PWWP2A: variants seen among roughly 807,000 people sequenced by gnomAD.
The protein encoded by PWWP2A is PWWP domain-containing protein 2A.
In PWWP2A, 18 loss-of-function variants were observed where a neutral mutation model predicts 48.5. That is an observed-to-expected ratio of 0.37 (90% CI 0.26 to 0.55). The LOEUF (loss-of-function observed/expected upper bound fraction) is 0.55, where lower values mean the gene tolerates loss of function less well. Among genes scored for constraint, PWWP2A ranks in the 20% least tolerant of loss-of-function variants. The pLI, the probability that PWWP2A is intolerant of heterozygous loss-of-function variation, is 0.81. For missense variants in PWWP2A, 867 were observed against 976.4 expected (o/e 0.89, Z 1.49); for synonymous variants, 396 against 387.7 (o/e 1.02, Z -0.25).
the PWWP2A span, among the ~76,000 whole-genome samples, chr5:160,053,425 G>T: frequency 6.6e-6 from 1 of 152,080 alleles, no homozygotes; most frequent in African/African-American, 2.4e-5. Flanking sequence ...TTAGCCAGGT[G>T]TGCTGGTGTG....
At chr5:160,097,722 T>TGGGG (rs1755833857) in intron 1 of PWWP2A, among the ~76,000 whole-genome samples, 1 of 131,286 alleles carries the variant, frequency 7.6e-6, no homozygotes. Flanking sequence ...GGGGGGCGGT[T>TGGGG]GTTTTGTTTT....
At chr5:160,046,473 G>A in the PWWP2A span, among the ~76,000 whole-genome samples, 6 of 152,030 alleles carry the variant, frequency 3.9e-5, no homozygotes, top group South Asian at 2.1e-4. Flanking sequence ...TTAGTTGAGC[G>A]TGGGACCCTC....
At chr5:160,075,688 CAT>C (rs1306068672), downstream of PWWP2A, among the ~76,000 whole-genome samples, 5 of 97,054 alleles carry the variant, frequency 5.2e-5, no homozygotes, top group South Asian at 3.6e-4. Flanking sequence ...CATCCTTCGT[CAT>C]AAAGAGGTCC....
At chr5:160,066,698 A>C (rs1753619613) in intron 3 of PWWP2A, 2 of 152,134 alleles carry the variant, frequency 1.3e-5, no homozygotes, top group Admixed American at 1.3e-4. Context: ...GAAAGTGTTA[A>C]AGTAATCCCT....
At chr5:160,097,692 A>G (rs975609525) in intron 1 of PWWP2A, among the ~76,000 whole-genome samples, 4 of 111,048 alleles carry the variant, frequency 3.6e-5, no homozygotes, top group Non-Finnish European at 7.1e-5. Flanking sequence ...ATAATTTACT[A>G]GAGGTTTTTT....
rs755426179 is a variant in PWWP2A at position 160,106,946 on chromosome 5, C to T, written c.584+11859G>A. ...TCAAGTGATTCTCATGTCTCAGCCT[C>T]CCAAGTAGCTGGGATTACAGGCACA... is the stretch of plus-strand genomic sequence containing the variant. On this transcript the variant is annotated intron_variant, in intron 1 of 1. Coordinates refer to ENST00000307063, the MANE Select transcript of PWWP2A (RefSeq NM_001130864.2). Among the ~76,000 whole-genome samples the T allele has an allele frequency of 2.4e-4, 36 of 151,412 alleles. 1 individual carries two copies. Among genetic ancestry groups the T allele is most frequent in the Non-Finnish European group, 4.9e-4 (33 of 67,952 alleles).
downstream of PWWP2A, among the ~76,000 whole-genome samples, chr5:160,087,701 T>C (rs564917687): frequency 6.6e-6 from 1 of 152,224 alleles, no homozygotes; most frequent in Non-Finnish European, 1.5e-5. Flanking sequence ...TGATAAATTT[T>C]ACATCTATTT....
intron 1 of PWWP2A, among the ~76,000 whole-genome samples, chr5:160,103,808 C>T (rs761328797): frequency 3.4e-4 from 52 of 151,954 alleles, no homozygotes; most frequent in Non-Finnish European, 5.9e-4. Context: ...GTATGATAGA[C>T]GGAGAATAAC....
At chr5:160,100,433 C>A (rs1316939016) in intron 1 of PWWP2A, among the ~76,000 whole-genome samples, 2 of 152,090 alleles carry the variant, frequency 1.3e-5, no homozygotes, top group Non-Finnish European at 2.9e-5. Flanking sequence ...CCAATGCACT[C>A]CAGCCTGGGT....
At chr5:160,071,565 C>A (rs1047929215), downstream of PWWP2A, among the ~76,000 whole-genome samples, 4 of 152,192 alleles carry the variant, frequency 2.6e-5, no homozygotes, top group African/African-American at 7.2e-5. Flanking sequence ...TGGGAAAGAT[C>A]TTTAAGAGGA....
downstream of PWWP2A, among the ~76,000 whole-genome samples, chr5:160,087,336 C>T (rs979076339): frequency 2.0e-5 from 3 of 149,856 alleles, no homozygotes; most frequent in African/African-American, 4.9e-5. Context: ...GCTGTGATCT[C>T]GCCACTGCAT....
intron 1 of PWWP2A, among the ~76,000 whole-genome samples, chr5:160,114,894 A>G (rs981403930): frequency 1.9e-4 from 28 of 150,702 alleles, no homozygotes; most frequent in South Asian, 6.3e-4. Context: ...TAATCCCAGC[A>G]CTCTGGGAGG....
At chr5:160,097,480 A>G (rs887114811) in intron 1 of PWWP2A, among the ~76,000 whole-genome samples, 1 of 151,276 alleles carries the variant, frequency 6.6e-6, no homozygotes, top group Admixed American at 6.6e-5. Context: ...AAATACAAAA[A>G]TTAGCTGGGT....
chr5:160,070,206 C>G (rs1289580325), intron 2 of PWWP2A, among the ~76,000 whole-genome samples: 1 of 152,020 alleles, frequency 6.6e-6, no homozygotes, highest in Non-Finnish European at 1.5e-5. Flanking sequence ...GTGGCTCACA[C>G]CTGTAATCCC....
chr5:160,112,924 G>A (rs561512977), intron 1 of PWWP2A, among the ~76,000 whole-genome samples: 2 of 152,282 alleles, frequency 1.3e-5, no homozygotes, highest in African/African-American at 4.8e-5. Flanking sequence ...TTGGGAGGCC[G>A]AGGAGGAGGA....
At chr5:160,046,878 G>A in the PWWP2A span, among the ~76,000 whole-genome samples, 1 of 152,060 alleles carries the variant, frequency 6.6e-6, no homozygotes, top group Non-Finnish European at 1.5e-5. Flanking sequence ...AGGGCATGGC[G>A]GCACGTGCCT....
In PWWP2A at chr5:160,091,614, A is replaced by T; in HGVS notation, c.*768T>A. On this transcript the variant is annotated 3_prime_UTR_variant, in exon 2 of 2. Coordinates refer to ENST00000307063, the MANE Select transcript of PWWP2A (RefSeq NM_001130864.2). Reference sequence around the variant, plus strand: ...AATCTGACCAAATTTAGCAATCACTATTTACAAATCCAAAATCAAACCTAT... The same window carrying T: ...AATCTGACCAAATTTAGCAATCACTTTTTACAAATCCAAAATCAAACCTAT... 1 of 983,748 alleles carries T rather than the reference A, an allele frequency of 1.0e-6. No individual in the cohort carries two copies. The highest frequency in any genetic ancestry group is 1.2e-6 in the Non-Finnish European group (1 of 829,284). The allele number at this position is 983,748 out of a possible 1,614,324, so 60.9% of individuals were successfully genotyped here.
the PWWP2A span, among the ~76,000 whole-genome samples, chr5:160,052,235 C>T: frequency 2.1e-4 from 32 of 152,260 alleles, no homozygotes; most frequent in African/African-American, 7.0e-4. Context: ...TGGCCAGGCA[C>T]GGTGGCTCCT....
Position 160,118,850 on chromosome 5 carries a change from A to T in PWWP2A, c.539T>A (p.Phe180Tyr). The change falls in exon 1 of 2, where the codon TTC becomes TAC. Residue 180 changes from phenylalanine (F) to tyrosine (Y), a missense_variant. This residue lies in a region of PWWP2A where 385 missense variants were observed against 396.9 expected (regional missense o/e 0.97). Coordinates refer to ENST00000307063, the MANE Select transcript of PWWP2A (RefSeq NM_001130864.2). ...GACCCCGGAGAAGAGCTTCTCCCCGAAGCGGAACGACACGACAAGCGCGTC... is the reference window on the plus strand; with the variant it reads ...GACCCCGGAGAAGAGCTTCTCCCCGTAGCGGAACGACACGACAAGCGCGTC... The part of the protein sequence containing the change: ...IEDALVVSFR[F>Y]GEKLFSGVLM... 8 of 1,587,814 alleles carry T rather than the reference A, an allele frequency of 5.0e-6. No individual in the cohort carries two copies. Among genetic ancestry groups the T allele is most frequent in the Non-Finnish European group, 5.1e-6 (6 of 1,168,906 alleles).
Sources: allele counts gnomAD v4.1 joint callset (sites outside exome capture counted in the v4.1 genomes callset), GRCh38; gene constraint gnomAD v4.1.1; regional missense constraint gnomAD v4.1.1; transcripts MANE v1.5; gene names NCBI Gene and HGNC (gene_info 2026-07-23, HGNC 2026-07-21).